Variants in TTLL11 observed in about 807,000 individuals in gnomAD.
TTLL11 encodes the protein tubulin tyrosine ligase like 11.
TTLL11 carries 42 observed loss-of-function variants against 51.7 expected under a neutral mutation model. The ratio of observed to expected loss-of-function variants is 0.81; its 90% CI spans 0.64 to 1.05. The LOEUF is 1.05. Among genes scored for constraint, TTLL11 ranks in the 50% least tolerant of loss-of-function variants. The pLI is 0.00. For synonymous variants in TTLL11, 381 were observed against 383.5 expected (o/e 0.99, Z 0.08); for missense variants, 799 against 940.4 (o/e 0.85, Z 1.97).
At chr9:122,081,800 CA>C (rs1311608576) in intron 1 of TTLL11, among the ~76,000 whole-genome samples, 7 of 152,022 alleles carry the variant, frequency 4.6e-5, no homozygotes, top group Non-Finnish European at 1.0e-4. Context: ...AAATAACCAA[CA>C]GGGGGAAATA....
chr9:121,864,089 C>T (rs1249268980), intron 7 of TTLL11, among the ~76,000 whole-genome samples: 2 of 152,190 alleles, frequency 1.3e-5, no homozygotes, highest in African/African-American at 4.8e-5. Flanking sequence ...TCTCAATAAA[C>T]TCAAACAGGA....
chr9:121,817,296 G>T lies in TTLL11; in HGVS notation c.*5291C>A, dbSNP rs561864904. On this transcript the variant is annotated 3_prime_UTR_variant, in exon 9 of 9. Coordinates refer to ENST00000321582, the MANE Select transcript of TTLL11 (RefSeq NM_001139442.2). The stretch of plus-strand genomic sequence containing the variant: ...TGTGGGAATGAAGGGGAGGTGGGGC[G>T]TTGGGGGGAGGGCAGGAGGAGCTGA... 6.6e-6 allele frequency: 1 copy of T among 151,856 alleles called. No homozygotes were observed. The highest frequency in any genetic ancestry group is 2.4e-5 in the African/African-American group (1 of 41,356). 9.4% of individuals were successfully genotyped at this position (151,856 alleles called of 1,614,324 possible).
chr9:122,081,778 T>G (rs1846009680), intron 1 of TTLL11, among the ~76,000 whole-genome samples: 1 of 152,228 alleles, frequency 6.6e-6, no homozygotes, highest in Non-Finnish European at 1.5e-5. Context: ...AATGATTATT[T>G]GGTAGACATT....
At chr9:121,994,234 G>T (rs542838723) in intron 3 of TTLL11, among the ~76,000 whole-genome samples, 1 of 152,266 alleles carries the variant, frequency 6.6e-6, no homozygotes, top group South Asian at 2.1e-4. Context: ...TTCGGTGGGG[G>T]GTTATGAAGG....
chr9:121,837,593 T>C (rs1837216843), intron 8 of TTLL11, among the ~76,000 whole-genome samples: 1 of 152,144 alleles, frequency 6.6e-6, no homozygotes, highest in Non-Finnish European at 1.5e-5. Context: ...TGTCAGTTTC[T>C]CCCCTGCTCC....
chr9:122,078,433 A>G (rs1318855037), intron 1 of TTLL11, among the ~76,000 whole-genome samples: 2 of 152,188 alleles, frequency 1.3e-5, no homozygotes, highest in African/African-American at 4.8e-5. Context: ...GTAGCCAAAC[A>G]AAGGGAGGGA....
chr9:121,999,498 G>A (rs188687253), intron 3 of TTLL11, among the ~76,000 whole-genome samples: 81 of 152,182 alleles, frequency 5.3e-4, no homozygotes, highest in African/African-American at 1.9e-3. Context: ...CCCCCACCCA[G>A]TCATCAAATT....
intron 8 of TTLL11, among the ~76,000 whole-genome samples, chr9:121,847,626 C>T (rs1837555783): frequency 6.6e-6 from 1 of 151,996 alleles, no homozygotes; most frequent in African/African-American, 2.4e-5. Context: ...TCTGAATAGG[C>T]CTTTATCTAT....
At chr9:121,976,763 G>A (rs1842722211) in intron 4 of TTLL11, among the ~76,000 whole-genome samples, 1 of 152,146 alleles carries the variant, frequency 6.6e-6, no homozygotes, top group African/African-American at 2.4e-5. Context: ...TGAAAAGTTG[G>A]GAAAAGTCAT....
intron 6 of TTLL11, among the ~76,000 whole-genome samples, chr9:121,918,842 G>C (rs1391996053): frequency 6.6e-6 from 1 of 152,224 alleles, no homozygotes; most frequent in Non-Finnish European, 1.5e-5. Flanking sequence ...ACTAACAAGT[G>C]TTGAGTGAGG....
At chr9:122,052,762 G>A (rs532837943) in intron 1 of TTLL11, among the ~76,000 whole-genome samples, 4 of 152,270 alleles carry the variant, frequency 2.6e-5, no homozygotes, top group South Asian at 2.1e-4. Flanking sequence ...GGGTAGGCAC[G>A]TAACCTCTGG....
At chr9:121,911,828 G>A (rs1397043426) in intron 6 of TTLL11, among the ~76,000 whole-genome samples, 1 of 152,146 alleles carries the variant, frequency 6.6e-6, no homozygotes, top group Non-Finnish European at 1.5e-5. Flanking sequence ...AATACCTAAT[G>A]TAGATGATGG....
At chr9:122,003,967 C>T (rs915475920) in intron 3 of TTLL11, among the ~76,000 whole-genome samples, 1 of 150,602 alleles carries the variant, frequency 6.6e-6, no homozygotes, top group African/African-American at 2.4e-5. Context: ...TACAAAAATA[C>T]AAAAAGTGGC....
At chr9:122,023,211 G>A (rs1173342505) in intron 3 of TTLL11, among the ~76,000 whole-genome samples, 2 of 152,030 alleles carry the variant, frequency 1.3e-5, no homozygotes, top group South Asian at 2.1e-4. Context: ...AGAAAAAGTA[G>A]ACAAATTTCT....
At chr9:122,064,699 A>C (rs1845528625) in intron 1 of TTLL11, among the ~76,000 whole-genome samples, 1 of 152,218 alleles carries the variant, frequency 6.6e-6, no homozygotes, top group Non-Finnish European at 1.5e-5. Flanking sequence ...ACTCATTACA[A>C]AAATAATTAC....
chr9:122,028,772 C>T (rs1283408003), intron 3 of TTLL11, among the ~76,000 whole-genome samples: 3 of 152,136 alleles, frequency 2.0e-5, no homozygotes, highest in Non-Finnish European at 4.4e-5. Context: ...ATGTGTAAGC[C>T]ATTAGAAAAC....
chr9:122,080,147 A>T (rs1261095214), intron 1 of TTLL11, among the ~76,000 whole-genome samples: 1 of 152,188 alleles, frequency 6.6e-6, no homozygotes, highest in African/African-American at 2.4e-5. Context: ...TGCACTTATG[A>T]TTAGAATTAA....
intron 3 of TTLL11, among the ~76,000 whole-genome samples, chr9:122,018,116 T>C (rs1844048076): frequency 6.7e-6 from 1 of 148,222 alleles, no homozygotes; most frequent in Admixed American, 6.7e-5. Context: ...CCACTTTTTT[T>C]TTTTTTTTTT....
chr9:121,838,332 C>T (rs1837238373), intron 8 of TTLL11, among the ~76,000 whole-genome samples: 1 of 152,188 alleles, frequency 6.6e-6, no homozygotes, highest in South Asian at 2.1e-4. Context: ...ACCTGAGCAG[C>T]TGTCGTCCCT....
Sources: allele counts gnomAD v4.1 joint callset (sites outside exome capture counted in the v4.1 genomes callset), GRCh38; gene constraint gnomAD v4.1.1; transcripts MANE v1.5; gene names NCBI Gene and HGNC (gene_info 2026-07-23, HGNC 2026-07-21).